The following REPS1 variants were observed in gnomAD, a reference collection of about 807,000 sequenced individuals.
The protein encoded by REPS1 is ralBP1-associated Eps domain-containing protein 1.
Under a neutral mutation model 100.9 loss-of-function variants are expected in REPS1, and 39 were observed. The observed-to-expected ratio is 0.39, with a 90% CI of 0.30 to 0.50. REPS1 has a LOEUF of 0.50. Among genes scored for constraint, REPS1 ranks in the 20% least tolerant of loss-of-function variants. The probability of loss-of-function intolerance (pLI) is 0.86; values close to 1 mark genes in which losing one functional copy is unlikely to be tolerated. For synonymous variants in REPS1, 324 were observed against 340.3 expected (o/e 0.95, Z 0.53); for missense variants, 821 against 968.5 (o/e 0.85, Z 2.02).
At chr6:138,950,304 T>C (rs989061858) in intron 1 of REPS1, among the ~76,000 whole-genome samples, 1 of 151,998 alleles carries the variant, frequency 6.6e-6, no homozygotes, top group Non-Finnish European at 1.5e-5. Flanking sequence ...TGAGATCTCA[T>C]CTATACGAAA....
chr6:138,942,154 G>C (rs539415579), intron 7 of REPS1, among the ~76,000 whole-genome samples: 1 of 152,124 alleles, frequency 6.6e-6, no homozygotes, highest in Non-Finnish European at 1.5e-5. Context: ...TGACATGTAC[G>C]TACTTTAAAT....
chr6:138,924,787 G>A (rs779956097), intron 10 of REPS1, among the ~76,000 whole-genome samples: 17 of 152,194 alleles, frequency 1.1e-4, no homozygotes, highest in African/African-American at 3.9e-4. Context: ...ATTCCTAAGA[G>A]ATCTTAATTA....
Position 138,911,306 on chromosome 6 carries a change from T to G in REPS1, c.2037A>C (p.Glu679Asp), listed in dbSNP as rs76082832. ...RVAKTDSKTE[E>D]KTAASAPANV... Reference sequence around the variant, plus strand: ...TGGCAGGAGCACTAGCAGCTGTCTTTTCTTCAGTTTTACTATCTGTTTTGG... The same window carrying G: ...TGGCAGGAGCACTAGCAGCTGTCTTGTCTTCAGTTTTACTATCTGTTTTGG... The change falls in exon 17 of 20, where the codon GAA (glutamate) becomes GAC (aspartate). Residue 679 changes from glutamate to aspartate, a missense_variant. Physicochemically the swap from Glu to Asp is conservative, Grantham distance 45 (BLOSUM62 2). Transcript: ENST00000450536. 6.9e-4 allele frequency: 1,119 copies of G among 1,613,404 alleles called. 5 individuals are homozygous for G. The African/African-American group carries it at 0.013, about 18-fold the overall frequency.
intron 1 of REPS1, among the ~76,000 whole-genome samples, chr6:138,980,881 A>C (rs901228383): frequency 2.0e-5 from 3 of 152,160 alleles, no homozygotes; most frequent in African/African-American, 7.2e-5. Context: ...CATTGGCACA[A>C]GTCAGAGAAG....
At chr6:138,947,510 A>G (rs1266738422) in intron 2 of REPS1, among the ~76,000 whole-genome samples, 3 of 152,312 alleles carry the variant, frequency 2.0e-5, no homozygotes, top group South Asian at 4.1e-4. Flanking sequence ...AAATATTTCT[A>G]AACAACTTTT....
intron 16 of REPS1, 87 bp downstream of exon 16, chr6:138,912,678 T>G: frequency 8.1e-7 from 1 of 1,233,696 alleles, no homozygotes; most frequent in Non-Finnish European, 1.2e-6. Flanking sequence ...TACTCACTGA[T>G]GTCCCCTCTA....
intron 16 of REPS1, among the ~76,000 whole-genome samples, chr6:138,911,670 G>A (rs1031465770): frequency 1.0e-4 from 15 of 150,470 alleles, no homozygotes; most frequent in Admixed American, 2.0e-4. Context: ...GTGAGGGAGA[G>A]GAGGATGGGG....
intron 1 of REPS1, among the ~76,000 whole-genome samples, chr6:138,981,351 C>T (rs369045034): frequency 1.3e-5 from 2 of 152,068 alleles, no homozygotes; most frequent in East Asian, 3.9e-4. Context: ...AGTTTAACTT[C>T]CATTAGACAA....
At chr6:138,974,041 C>A (rs1005566342) in intron 1 of REPS1, among the ~76,000 whole-genome samples, 1 of 152,130 alleles carries the variant, frequency 6.6e-6, no homozygotes, top group Non-Finnish European at 1.5e-5. Context: ...CTCCTTCACT[C>A]ACCTCTGCAA....
chr6:138,914,118 G>GC (rs143006916), intron 15 of REPS1, among the ~76,000 whole-genome samples: 13,386 of 152,146 alleles, frequency 0.088, 1,232 homozygotes, highest in African/African-American at 0.23. Flanking sequence ...CATCCAGGCT[G>GC]GAGTGCAGTG....
At chr6:138,933,450 A>G (rs1781606227) in intron 8 of REPS1, among the ~76,000 whole-genome samples, 1 of 152,238 alleles carries the variant, frequency 6.6e-6, no homozygotes, top group Non-Finnish European at 1.5e-5. Flanking sequence ...ATAAAATATT[A>G]TTCTTTTCAT....
intron 1 of REPS1, among the ~76,000 whole-genome samples, chr6:138,980,664 CTTTT>C (rs57774339): frequency 2.2e-5 from 1 of 45,006 alleles, no homozygotes; most frequent in Non-Finnish European, 4.9e-5. Context: ...TTCTTTTTTC[CTTTT>C]TTTTTTGTGG....
At chr6:138,951,643 TTAAA>T (rs1350149664) in intron 1 of REPS1, among the ~76,000 whole-genome samples, 1 of 152,202 alleles carries the variant, frequency 6.6e-6, no homozygotes, top group Admixed American at 6.5e-5. Flanking sequence ...CTGTAATACT[TTAAA>T]TAGATTAGGA....
intron 8 of REPS1, among the ~76,000 whole-genome samples, chr6:138,937,724 A>T (rs115788770): frequency 1.3e-3 from 204 of 152,338 alleles, no homozygotes; most frequent in African/African-American, 4.7e-3. Flanking sequence ...GTGTAAAGGT[A>T]GAAAACAGTT....
At chr6:138,928,701 A>C (rs1268611819) in intron 9 of REPS1, 1 of 152,220 alleles carries the variant, frequency 6.6e-6, no homozygotes, top group Non-Finnish European at 1.5e-5. Context: ...TTTTATTTAC[A>C]AACTGATATC....
intron 1 of REPS1, among the ~76,000 whole-genome samples, chr6:138,979,194 A>C (rs1429518789): frequency 7.8e-6 from 1 of 128,300 alleles, no homozygotes; most frequent in Non-Finnish European, 1.5e-5. Context: ...AAAAAAAAAA[A>C]AAACAAAAAA....
intron 13 of REPS1, among the ~76,000 whole-genome samples, chr6:138,917,105 C>T (rs902651421): frequency 1.3e-5 from 2 of 152,094 alleles, no homozygotes; most frequent in Middle Eastern, 3.2e-3. Flanking sequence ...TCTCTAGCCT[C>T]CTCCACCCTA....
intron 1 of REPS1, among the ~76,000 whole-genome samples, chr6:138,953,528 A>G (rs190024221): frequency 2.4e-4 from 36 of 152,266 alleles, no homozygotes; most frequent in Non-Finnish European, 4.6e-4. Flanking sequence ...TGATTTTTAA[A>G]TGGGCAAATG....
intron 1 of REPS1, among the ~76,000 whole-genome samples, chr6:138,978,965 G>T (rs995968927): frequency 6.6e-6 from 1 of 151,986 alleles, no homozygotes. Flanking sequence ...GGCAGATCAC[G>T]AGATCAGCAG....
Sources: gnomAD v4.1 joint callset for allele counts (sites outside exome capture counted in the v4.1 genomes callset) on GRCh38, gnomAD v4.1.1 for gene constraint, MANE v1.5 for transcripts, NCBI Gene and HGNC (gene_info 2026-07-23, HGNC 2026-07-21) for gene names.